Variants in POLA1 observed in about 807,000 individuals in gnomAD.
POLA1 encodes DNA polymerase alpha 1, catalytic subunit, also known as DNA polymerase alpha catalytic subunit.
Under a neutral mutation model 124.0 loss-of-function variants are expected in POLA1, and 15 were observed. That is an observed-to-expected ratio of 0.12 (90% CI 0.08 to 0.19). The LOEUF (loss-of-function observed/expected upper bound fraction) is 0.19, where lower values mean the gene tolerates loss of function less well. POLA1 is among the 10% of genes least tolerant of loss of function. POLA1 has a pLI of 1.00. For missense variants in POLA1, 886 were observed against 1,103.4 expected, an observed-to-expected ratio of 0.80 and a Z score of 2.79; for synonymous variants, 408 against 389.4, an observed-to-expected ratio of 1.05 and a Z score of -0.56.
chrX:24,955,174 CT>C (rs778401687), intron 36 of POLA1, among the ~76,000 whole-genome samples: 1 of 87,709 alleles, frequency 1.1e-5, no homozygotes, highest in African/African-American at 4.2e-5. Flanking sequence ...TTTTTCTTCT[CT>C]TTTTTTTTGA....
chrX:24,827,506 C>T (rs1433793054), intron 32 of POLA1, among the ~76,000 whole-genome samples: 1 of 112,237 alleles, frequency 8.9e-6, no homozygotes, highest in Non-Finnish European at 1.9e-5. Context: ...CCTATGTATC[C>T]AGCCTTATTT....
intron 35 of POLA1, among the ~76,000 whole-genome samples, chrX:24,910,334 T>C (rs1281720595): frequency 9.2e-6 from 1 of 108,786 alleles, no homozygotes; most frequent in Non-Finnish European, 1.9e-5. Context: ...TCAAAGGGAG[T>C]GCTTCCAGTT....
chrX:24,725,609 C>G (rs1429298122), intron 12 of POLA1, among the ~76,000 whole-genome samples: 2 of 111,796 alleles, frequency 1.8e-5, no homozygotes, highest in Admixed American at 1.9e-4. Flanking sequence ...CAGTCCTTGC[C>G]AGATAGCCAA....
intron 26 of POLA1, among the ~76,000 whole-genome samples, chrX:24,801,941 G>A (rs1446273821): frequency 2.0e-5 from 2 of 102,538 alleles, no homozygotes; most frequent in Non-Finnish European, 4.0e-5. Context: ...GTGTGTGTGT[G>A]TGTGTGTGTG....
In POLA1 at chrX:24,835,048, C is replaced by CT. The variant is rs761260774; in HGVS notation, c.3737-6590dup. 3.6e-3 allele frequency among the ~76,000 whole-genome samples: 349 copies of CT among 97,438 alleles called. 5 individuals are homozygous for CT. The highest frequency in any genetic ancestry group is 0.022 in the South Asian group (47 of 2,120). 84.6% of individuals were successfully genotyped at this position (97,438 alleles called of 115,157 possible). ...GTGTTAATATTTCATTTTGCATTTC[C>CT]TTTTTTTTTTTTTTAGAGACAAAGA... is the stretch of plus-strand genomic sequence containing the variant. On this transcript the variant is annotated intron_variant, in intron 32 of 36. Transcript: ENST00000379068.
intron 35 of POLA1, 96 bp downstream of exon 35, chrX:24,888,218 C>T (rs763183905): frequency 1.9e-6 from 1 of 517,250 alleles, no homozygotes; most frequent in African/African-American, 2.3e-5. Flanking sequence ...ATGAAGATGC[C>T]CTACTACCAT....
At chrX:24,793,715 G>T (rs11573402) in intron 26 of POLA1, among the ~76,000 whole-genome samples, 188 of 110,687 alleles carry the variant, frequency 1.7e-3, no homozygotes, top group Middle Eastern at 4.7e-3. Context: ...CTCCCAAGTA[G>T]CTGGAATTAC....
intron 34 of POLA1, among the ~76,000 whole-genome samples, chrX:24,879,455 A>C (rs1180161899): frequency 8.9e-6 from 1 of 112,291 alleles, no homozygotes; most frequent in Non-Finnish European, 1.9e-5. Flanking sequence ...GGAATGTGGA[A>C]AGGAAAATGC....
chrX:24,976,876 A>G (rs2048369269), intron 36 of POLA1, among the ~76,000 whole-genome samples: 1 of 111,946 alleles, frequency 8.9e-6, no homozygotes, highest in Admixed American at 9.5e-5. Context: ...ATCTCCTACA[A>G]TGAGAAAAGA....
At chrX:24,766,050 A>G (rs1266231314) in intron 26 of POLA1, among the ~76,000 whole-genome samples, 3 of 112,508 alleles carry the variant, frequency 2.7e-5, no homozygotes, top group Admixed American at 1.9e-4. Context: ...GAACTGCTGT[A>G]TAGTATTCCA....
chrX:24,942,809 G>A (rs984186419), intron 36 of POLA1, among the ~76,000 whole-genome samples: 2 of 111,821 alleles, frequency 1.8e-5, no homozygotes, highest in Non-Finnish European at 3.8e-5. Flanking sequence ...TCCCATCCCA[G>A]TCCCCCGCCC....
intron 34 of POLA1, among the ~76,000 whole-genome samples, chrX:24,859,739 A>T (rs1270573188): frequency 8.9e-6 from 1 of 112,469 alleles, no homozygotes; most frequent in Non-Finnish European, 1.9e-5. Context: ...CTGACACAGG[A>T]TTTGCTTATT....
In POLA1 at chrX:24,995,976, G is replaced by A. The variant is rs374941044; in HGVS notation, c.*26G>A. On this transcript the variant is annotated 3_prime_UTR_variant, in exon 37 of 37. Coordinates refer to ENST00000379068, the MANE Select transcript of POLA1 (RefSeq NM_001330360.2). ...GGGAATCCCAGGAGTAACCAAGGAGGGGGTAGTTGAAAAATCCCAGCTTCC... is the reference window on the plus strand; with the variant it reads ...GGGAATCCCAGGAGTAACCAAGGAGAGGGTAGTTGAAAAATCCCAGCTTCC... 2 of 1,192,649 alleles carry A rather than the reference G, an allele frequency of 1.7e-6. No homozygotes were observed. Among genetic ancestry groups the A allele is most frequent in the African/African-American group, 1.7e-5 (1 of 57,221 alleles).
intron 34 of POLA1, among the ~76,000 whole-genome samples, chrX:24,863,575 G>A (rs2046750390): frequency 8.9e-6 from 1 of 111,782 alleles, no homozygotes; most frequent in Non-Finnish European, 1.9e-5. Context: ...CTCCATGTCT[G>A]GAAGGACACC....
chrX:24,758,895 T>A (rs1417615247), intron 26 of POLA1, among the ~76,000 whole-genome samples: 1 of 111,267 alleles, frequency 9.0e-6, no homozygotes, highest in African/African-American at 3.3e-5. Flanking sequence ...TTAGCCAGGA[T>A]GGTCTCGATC....
At chrX:24,800,846 G>A (rs1231094187) in intron 26 of POLA1, among the ~76,000 whole-genome samples, 2 of 111,954 alleles carry the variant, frequency 1.8e-5, no homozygotes, top group Non-Finnish European at 3.8e-5. Flanking sequence ...ACATTCAAAG[G>A]CATAGTTTGT....
chrX:24,782,475 A>G (rs1335992165), intron 26 of POLA1, among the ~76,000 whole-genome samples: 2 of 112,080 alleles, frequency 1.8e-5, no homozygotes, highest in African/African-American at 6.5e-5. Flanking sequence ...CCTGCTTCCT[A>G]AGATTAAACT....
chrX:24,867,943 A>C (rs2046815820), intron 34 of POLA1, among the ~76,000 whole-genome samples: 2 of 111,948 alleles, frequency 1.8e-5, no homozygotes, highest in Admixed American at 1.9e-4. Flanking sequence ...TGTTAGTAAG[A>C]AACTTTATTA....
intron 26 of POLA1, among the ~76,000 whole-genome samples, chrX:24,754,595 G>A (rs972507716): frequency 6.3e-5 from 7 of 111,388 alleles, no homozygotes; most frequent in South Asian, 3.8e-4. Flanking sequence ...AAAAGTAAAA[G>A]CAATAAAATA....
Sources: gnomAD v4.1 joint callset for allele counts (sites outside exome capture counted in the v4.1 genomes callset) on GRCh38, gnomAD v4.1.1 for gene constraint, MANE v1.5 for transcripts, NCBI Gene and HGNC (gene_info 2026-07-23, HGNC 2026-07-21) for gene names.